The following ZNF385C variants were observed in gnomAD, a reference collection of about 807,000 sequenced individuals.
ZNF385C encodes CTD-2132N18.2.
ZNF385C carries 28 observed loss-of-function variants against 35.4 expected under a neutral mutation model. The observed-to-expected ratio is 0.79, with a 90% CI of 0.59 to 1.08. The LOEUF (loss-of-function observed/expected upper bound fraction) is 1.08. Among genes scored for constraint, ZNF385C ranks in the 50% least tolerant of loss-of-function variants. ZNF385C has a pLI of 0.00. For synonymous variants in ZNF385C, 248 were observed against 248.2 expected, an observed-to-expected ratio of 1.00 and a Z score of 0.01; for missense variants, 605 against 595.6, an observed-to-expected ratio of 1.02 and a Z score of -0.16.
intron 4 of ZNF385C, among the ~76,000 whole-genome samples, chr17:42,033,481 T>C (rs992165873): frequency 3.9e-5 from 6 of 152,222 alleles, no homozygotes; most frequent in African/African-American, 1.4e-4. Flanking sequence ...CCAGGCGCGG[T>C]GGCTCACACC....
At chr17:42,033,251 C>T (rs547957664) in intron 4 of ZNF385C, among the ~76,000 whole-genome samples, 1 of 152,196 alleles carries the variant, frequency 6.6e-6, no homozygotes, top group African/African-American at 2.4e-5. Flanking sequence ...GGTAGACCTT[C>T]CCTGGGAGGC....
At chr17:42,076,822 G>A (rs2053691341) in intron 1 of ZNF385C, among the ~76,000 whole-genome samples, 1 of 152,108 alleles carries the variant, frequency 6.6e-6, no homozygotes, top group Non-Finnish European at 1.5e-5. Flanking sequence ...TTCCTACAAA[G>A]GTGGGGTGAA....
At position 42,026,976 on chromosome 17, in the gene ZNF385C, A is replaced by G. The variant is rs2052593755; in HGVS notation, c.1433T>C (p.Ile478Thr). The change falls in exon 9 of 9, where the codon ATC becomes ACC. Residue 478 changes from isoleucine to threonine, a missense_variant. Transcript: ENST00000692273. ...TAATTLFPAP[I>T]LGPALFRTPA... ...GGTGCGAAACAGAGCTGGGCCCAGG[A>G]TGGGAGCCGGGAAGAGGGTAGTGGC... 6.2e-7 allele frequency: 1 copy of G among 1,611,734 alleles called. No individual in the cohort carries two copies. Among genetic ancestry groups the G allele is most frequent in the Non-Finnish European group, 8.5e-7 (1 of 1,178,818 alleles).
chr17:42,086,948 C>A (rs1598206056), intron 1 of ZNF385C, among the ~76,000 whole-genome samples: 1 of 151,424 alleles, frequency 6.6e-6, no homozygotes, highest in Non-Finnish European at 1.5e-5. Context: ...CCTGCCTCAG[C>A]CTCCCAAGTA....
intron 4 of ZNF385C, 79 bp downstream of exon 4, chr17:42,034,143 CAGA>C (rs2052789150): frequency 1.7e-5 from 19 of 1,138,468 alleles, no homozygotes; most frequent in Non-Finnish European, 2.5e-5. Context: ...ATATTCCTCC[CAGA>C]AGGACTCTGA....
intron 1 of ZNF385C, among the ~76,000 whole-genome samples, chr17:42,065,915 C>T (rs782804004): frequency 6.6e-6 from 1 of 152,122 alleles, no homozygotes; most frequent in Non-Finnish European, 1.5e-5. Context: ...TCAGTTCCTT[C>T]GTCTATACCT....
chr17:42,038,963 G>T, intron 2 of ZNF385C: 1 of 152,398 alleles, frequency 6.6e-6, no homozygotes, highest in Non-Finnish European at 1.5e-5. Flanking sequence ...CTAAGAAACA[G>T]CCAAGGACCA....
chr17:42,063,983 G>A (rs2053505715), intron 1 of ZNF385C, among the ~76,000 whole-genome samples: 1 of 151,992 alleles, frequency 6.6e-6, no homozygotes, highest in South Asian at 2.1e-4. Flanking sequence ...ACAGTTGGTG[G>A]TTTCGGTAGA....
At chr17:42,054,337 G>A (rs545351703) in intron 2 of ZNF385C, among the ~76,000 whole-genome samples, 4 of 152,280 alleles carry the variant, frequency 2.6e-5, no homozygotes, top group East Asian at 3.9e-4. Context: ...GCAGGAGCCC[G>A]TTTTCCTGCC....
At chr17:42,035,542 CTTT>C (rs67173303) in intron 3 of ZNF385C, among the ~76,000 whole-genome samples, 1 of 105,598 alleles carries the variant, frequency 9.5e-6, no homozygotes, top group Non-Finnish European at 1.9e-5. Context: ...TGCTGACGAC[CTTT>C]TTTTTTTTTT....
In ZNF385C at chr17:42,026,800, TCAC is replaced by T. The variant is rs880002383; in HGVS notation, c.*94_*96del. ...GATCGGGCAGGACCCCTGAAGCTGTTCACAGTCCCTGTGGCATGTAGGAAACCA... is the reference window on the plus strand; with the variant it reads ...GATCGGGCAGGACCCCTGAAGCTGTTAGTCCCTGTGGCATGTAGGAAACCA... On this transcript the variant is annotated 3_prime_UTR_variant, in exon 9 of 9. Coordinates refer to ENST00000692273, the MANE Select transcript of ZNF385C (RefSeq NM_001392013.1). 2.7e-5 allele frequency: 33 copies of T among 1,231,318 alleles called. No individual in the cohort carries two copies. In the South Asian group the frequency reaches 4.2e-4, roughly 16 times the overall value. The allele number at this position is 1,231,318 out of a possible 1,614,324, so 76.3% of individuals were successfully genotyped here.
chr17:42,050,775 C>T lies in ZNF385C; in HGVS notation c.250+12032G>A, dbSNP rs1450617248. Among the ~76,000 whole-genome samples, 5 of 151,094 alleles carry T rather than the reference C, an allele frequency of 3.3e-5. No individual in the cohort carries two copies. Among genetic ancestry groups the T allele is most frequent in the African/African-American group, 4.8e-5 (2 of 41,306 alleles). ...CCAGCGCGCTCAGCCCGGCCCCGGC[C>T]CCACCCCCCAGCCCCTGCCGCCCCA... On this transcript the variant is annotated intron_variant, in intron 2 of 8. Coordinates refer to ENST00000692273, the MANE Select transcript of ZNF385C (RefSeq NM_001392013.1). This position sits in a 1 kb window ranked among gnomAD's most constrained non-coding sequence, Gnocchi z 5.6.
At chr17:42,060,542 G>A (rs1052533236) in intron 2 of ZNF385C, among the ~76,000 whole-genome samples, 9 of 152,126 alleles carry the variant, frequency 5.9e-5, no homozygotes, top group African/African-American at 2.2e-4. Context: ...CAGGCCTCAT[G>A]TCTCCTGATG....
Position 42,037,596 on chromosome 17 carries a change from G to C in ZNF385C, c.399+141C>G, listed in dbSNP as rs531807703. ...TCCCAAATAGGGGTCCCTATTTGGGGAGCACCTATCCCCTCTGGGGGATGT... is the reference window on the plus strand; with the variant it reads ...TCCCAAATAGGGGTCCCTATTTGGGCAGCACCTATCCCCTCTGGGGGATGT... On this transcript the variant is annotated intron_variant, in intron 3 of 8. Coordinates refer to ENST00000692273, the MANE Select transcript of ZNF385C (RefSeq NM_001392013.1). 4.6e-5 allele frequency: 48 copies of C among 1,044,790 alleles called. No individual in the cohort carries two copies. The African/African-American group carries it at 7.3e-4, about 16-fold the overall frequency. The allele number at this position is 1,044,790 out of a possible 1,614,324, so 64.7% of individuals were successfully genotyped here. A position where few individuals can be genotyped will look rare whatever the true frequency, so the allele number is the denominator to read the frequency against.
chr17:42,073,120 A>G (rs2053647956), intron 1 of ZNF385C, among the ~76,000 whole-genome samples: 1 of 152,154 alleles, frequency 6.6e-6, no homozygotes, highest in South Asian at 2.1e-4. Flanking sequence ...GCAGTTCCCC[A>G]TTTTACAGAC....
At chr17:42,040,133 C>T (rs1315662991) in intron 2 of ZNF385C, 2 of 1,231,460 alleles carry the variant, frequency 1.6e-6, no homozygotes, top group Non-Finnish European at 2.0e-6. Flanking sequence ...CCATGCGTGC[C>T]CAGCTCCTCC....
chr17:42,090,298 T>C (rs2053852096), intron 1 of ZNF385C, among the ~76,000 whole-genome samples: 1 of 143,680 alleles, frequency 7.0e-6, no homozygotes, highest in Non-Finnish European at 1.5e-5. Flanking sequence ...TTTTTTTTTT[T>C]TTTTTTGAGA....
intron 3 of ZNF385C, 144 bp from the exon 4 acceptor site, chr17:42,034,479 T>A: frequency 3.2e-6 from 2 of 626,112 alleles, no homozygotes; most frequent in Non-Finnish European, 5.5e-6. Context: ...CCTGTGGATG[T>A]TGGAAAGAGA....
chr17:42,034,918 GGA>G (rs1278610788), intron 3 of ZNF385C, among the ~76,000 whole-genome samples: 2 of 151,712 alleles, frequency 1.3e-5, no homozygotes, highest in African/African-American at 4.8e-5. Flanking sequence ...CCTGAGGTCA[GGA>G]GTTCAAGACC....
Sources: allele counts gnomAD v4.1 joint callset (sites outside exome capture counted in the v4.1 genomes callset), GRCh38; gene constraint gnomAD v4.1.1; non-coding constraint Gnocchi (gnomAD v3.1); transcripts MANE v1.5; gene names NCBI Gene and HGNC (gene_info 2026-07-23, HGNC 2026-07-21).